Variants in PLEKHH2 observed in about 807,000 individuals in gnomAD.
PLEKHH2 encodes the protein pleckstrin homology, MyTH4 and FERM domain containing H2, also known as pleckstrin homology domain-containing family H member 2.
PLEKHH2 carries 129 observed loss-of-function variants against 187.9 expected under a neutral mutation model. That is an observed-to-expected ratio of 0.69 (90% CI 0.59 to 0.79). The LOEUF (loss-of-function observed/expected upper bound fraction) is 0.79, where lower values mean the gene tolerates loss of function less well. Ranked by LOEUF, PLEKHH2 falls within the 30% of genes least tolerant of loss-of-function variation. PLEKHH2 has a pLI of 0.00. For missense variants in PLEKHH2, 2,076 were observed against 1,751.2 expected (o/e 1.19, Z -3.31); for synonymous variants, 686 against 605.6 (o/e 1.13, Z -1.95).
chr2:43,738,658 T>G (rs1406610678), intron 20 of PLEKHH2, 138 bp downstream of exon 20: 1 of 812,764 alleles, frequency 1.2e-6, no homozygotes, highest in Non-Finnish European at 1.8e-6. Context: ...TATTTTGATG[T>G]CTACCTTTTT....
At chr2:43,695,276 CT>C in intron 6 of PLEKHH2, 52 bp downstream of exon 6, 1 of 1,012,250 alleles carries the variant, frequency 9.9e-7, no homozygotes, top group Non-Finnish European at 1.4e-6. Context: ...ACTATATAGG[CT>C]TTTACTTTTT....
In PLEKHH2 at chr2:43,676,172, T is replaced by G. The variant is rs993335485; in HGVS notation, c.124-2691T>G. The G allele has an allele frequency of 2.5e-6, 4 of 1,614,030 alleles. No individual in the cohort carries two copies. The highest frequency in any genetic ancestry group is 3.4e-6 in the Non-Finnish European group (4 of 1,179,888). ...ACTTTTGAAGTGTTTAAGAAATCGT[T>G]CCTGTTAGGTGGACGAAGGTGATGG... On this transcript the variant is annotated intron_variant, in intron 2 of 29. Coordinates refer to ENST00000282406, the MANE Select transcript of PLEKHH2 (RefSeq NM_172069.4).
intron 2 of PLEKHH2, among the ~76,000 whole-genome samples, chr2:43,678,070 C>CG (rs1359248292): frequency 6.6e-6 from 1 of 150,868 alleles, no homozygotes; most frequent in Non-Finnish European, 1.5e-5. Flanking sequence ...ACCTCCCAGA[C>CG]GGGGTCGCGG....
At chr2:43,646,784 C>G (rs181786886) in intron 2 of PLEKHH2, among the ~76,000 whole-genome samples, 4 of 148,062 alleles carry the variant, frequency 2.7e-5, no homozygotes, top group African/African-American at 9.9e-5. Flanking sequence ...AATTGCTGTT[C>G]TAGTTGTGGT....
At chr2:43,698,932 G>A (rs7592021) in intron 7 of PLEKHH2, among the ~76,000 whole-genome samples, 89,728 of 152,084 alleles carry the variant, frequency 0.59, 27,868 homozygotes, top group African/African-American at 0.78. Context: ...GTAGAGCAAG[G>A]AAAGCTTTTC....
intron 6 of PLEKHH2, among the ~76,000 whole-genome samples, chr2:43,696,251 C>G (rs1008981894): frequency 4.6e-5 from 7 of 152,094 alleles, no homozygotes; most frequent in Admixed American, 3.9e-4. Context: ...GGTGAGAGGA[C>G]TGCTTGAGGC....
At chr2:43,728,661 A>G (rs1478440434) in intron 17 of PLEKHH2, among the ~76,000 whole-genome samples, 1 of 150,718 alleles carries the variant, frequency 6.6e-6, no homozygotes, top group Non-Finnish European at 1.5e-5. Flanking sequence ...TCCTGGGTTC[A>G]AGAGATTCTT....
chr2:43,644,451 CA>C (rs1553326364), intron 1 of PLEKHH2, among the ~76,000 whole-genome samples: 1 of 21,244 alleles, frequency 4.7e-5, no homozygotes, highest in Admixed American at 3.1e-4. Flanking sequence ...AGTTGGGCTC[CA>C]TCCAGCCTTA....
intron 14 of PLEKHH2, chr2:43,710,847 G>T (rs978624596): frequency 3.3e-6 from 4 of 1,200,754 alleles, no homozygotes; most frequent in East Asian, 4.1e-5. Context: ...GGTATTTTCA[G>T]CTGTCCAACT....
At chr2:43,713,453 C>T (rs889427575) in intron 15 of PLEKHH2, among the ~76,000 whole-genome samples, 3 of 151,990 alleles carry the variant, frequency 2.0e-5, no homozygotes, top group Admixed American at 6.6e-5. Flanking sequence ...GTTTGTACAA[C>T]CATATAATGC....
At position 43,703,458 on chromosome 2, in the gene PLEKHH2, G is replaced by A. The variant is rs139847949; in HGVS notation, c.1651-523G>A. Among the ~76,000 whole-genome samples the A allele has an allele frequency of 5.5e-4, 84 of 152,302 alleles. 1 individual carries two copies. The highest frequency in any genetic ancestry group is 3.4e-3 in the Middle Eastern group (1 of 294). Reference sequence around the variant, plus strand: ...GAAATGTACATTGACATAGGAAGGCGATAGCATTTAATGCTACTGTATCTA... The same window carrying A: ...GAAATGTACATTGACATAGGAAGGCAATAGCATTTAATGCTACTGTATCTA... On this transcript the variant is annotated intron_variant, in intron 8 of 29. Coordinates refer to ENST00000282406, the MANE Select transcript of PLEKHH2 (RefSeq NM_172069.4).
intron 2 of PLEKHH2, among the ~76,000 whole-genome samples, chr2:43,646,010 T>C (rs1308449310): frequency 6.6e-6 from 1 of 152,200 alleles, no homozygotes; most frequent in Non-Finnish European, 1.5e-5. Flanking sequence ...TCATTAAGTC[T>C]AAACTTGCAT....
intron 21 of PLEKHH2, among the ~76,000 whole-genome samples, chr2:43,742,432 A>T (rs758473338): frequency 6.6e-6 from 1 of 151,698 alleles, no homozygotes; most frequent in East Asian, 1.9e-4. Context: ...TGCTTTCTTT[A>T]TATTTGTTAA....
intron 8 of PLEKHH2, among the ~76,000 whole-genome samples, chr2:43,703,240 A>G (rs974029420): frequency 1.3e-5 from 2 of 152,198 alleles, no homozygotes; most frequent in Admixed American, 1.3e-4. Flanking sequence ...ATGTTGCTCT[A>G]TGCATTAGGA....
intron 16 of PLEKHH2, among the ~76,000 whole-genome samples, chr2:43,722,175 G>A (rs184428968): frequency 6.6e-6 from 1 of 150,532 alleles, no homozygotes; most frequent in East Asian, 2.0e-4. Context: ...AGGATTGCTT[G>A]AGCCCAGGAG....
chr2:43,765,441 G>T lies in PLEKHH2; in HGVS notation c.4325G>T (p.Ser1442Ile). ...CTTGAAATCACTCTTTTGATCGCCA[G>T]TTACATAAACAACTTCCATCAGCAA... is the stretch of plus-strand genomic sequence containing the variant. ...KILEITLLIA[S>I]YINNFHQQKA... Residue 1442 changes from serine to isoleucine, a missense_variant, in exon 30 of 30, where the codon AGT becomes ATT. Physicochemically the swap from Ser to Ile is moderately radical, Grantham distance 142. Transcript: ENST00000282406. 1 of 1,614,136 alleles carries T rather than the reference G, an allele frequency of 6.2e-7. No homozygotes were observed. Among genetic ancestry groups the T allele is most frequent in the Non-Finnish European group, 8.5e-7 (1 of 1,180,014 alleles).
intron 2 of PLEKHH2, among the ~76,000 whole-genome samples, chr2:43,656,626 A>C (rs1461561161): frequency 2.0e-5 from 3 of 152,308 alleles, no homozygotes; most frequent in African/African-American, 7.2e-5. Flanking sequence ...CTACCTCAAA[A>C]CTTAGCAGCT....
At position 43,700,219 on chromosome 2, in the gene PLEKHH2, AACTC is replaced by A; in HGVS notation, c.1266_1269del (p.Ser424GlufsTer6). ...CCCAGCTTTAATGCCAAAGCATCCTAACTCACTCTCTGGAAAAGGAACACAATTA... is the reference window on the plus strand; with the variant it reads ...CCCAGCTTTAATGCCAAAGCATCCTAACTCTCTGGAAAAGGAACACAATTA... On this transcript the variant is annotated frameshift_variant, in exon 8 of 30. Coordinates refer to ENST00000282406, the MANE Select transcript of PLEKHH2 (RefSeq NM_172069.4). LOFTEE classifies it high-confidence loss of function. The A allele has an allele frequency of 6.2e-7, 1 of 1,614,140 alleles. No individual in the cohort carries two copies. Among genetic ancestry groups the A allele is most frequent in the Non-Finnish European group, 8.5e-7 (1 of 1,179,996 alleles).
chr2:43,701,767 A>ATTT (rs34664734), intron 8 of PLEKHH2, among the ~76,000 whole-genome samples: 14 of 130,926 alleles, frequency 1.1e-4, no homozygotes, highest in Middle Eastern at 4.2e-3. Flanking sequence ...TTTAATTTTA[A>ATTT]TTTTTTTTTT....
Sources: allele counts gnomAD v4.1 joint callset (sites outside exome capture counted in the v4.1 genomes callset), GRCh38; gene constraint gnomAD v4.1.1; transcripts MANE v1.5; gene names NCBI Gene and HGNC (gene_info 2026-07-23, HGNC 2026-07-21).